The following TSBP1 variants were observed in gnomAD, a reference collection of about 807,000 sequenced individuals.
TSBP1 encodes testis expressed basic protein 1, also known as testis-expressed basic protein 1.
TSBP1 carries 56 observed loss-of-function variants against 68.8 expected under a neutral mutation model. The observed-to-expected ratio is 0.81, with a 90% confidence interval of 0.66 to 1.02. The LOEUF (loss-of-function observed/expected upper bound fraction) is 1.02, where lower values mean the gene tolerates loss of function less well. Among genes scored for constraint, TSBP1 ranks in the 50% least tolerant of loss-of-function variants. TSBP1 has a pLI of 0.00. For synonymous variants in TSBP1, 171 were observed against 208.7 expected (o/e 0.82, Z 1.56); for missense variants, 502 against 641.2 (o/e 0.78, Z 2.34).
chr6:32,330,927 G>C (rs1768941594), intron 15 of TSBP1, among the ~76,000 whole-genome samples: 1 of 152,162 alleles, frequency 6.6e-6, no homozygotes, highest in African/African-American at 2.4e-5. Flanking sequence ...GCCTCCCAAA[G>C]TGCTGGGATT....
Position 32,316,370 on chromosome 6 carries a change from T to C in TSBP1, c.560-578A>G, listed in dbSNP as rs779105783. The C allele has an allele frequency of 9.1e-4, 1,422 of 1,569,012 alleles. 3 individuals carry two copies. The highest frequency in any genetic ancestry group is 1.2e-3 in the Non-Finnish European group (1,362 of 1,153,764). On this transcript the variant is annotated intron_variant, in intron 18 of 22. Coordinates refer to ENST00000612031, the Ensembl canonical transcript of TSBP1. This position sits in a 1 kb window ranked among gnomAD's most constrained non-coding sequence, Gnocchi z 4.5. ...TGAAGGGGACCAAAGAGAACCAAAG[T>C]AGAAAAAGACATGTAATACTTACTT...
chr6:32,319,904 A>G (rs1219540460), intron 18 of TSBP1, among the ~76,000 whole-genome samples: 4 of 151,284 alleles, frequency 2.6e-5, no homozygotes, highest in South Asian at 2.1e-4. Context: ...TATTTTTAAA[A>G]TGCATTAATA....
At chr6:32,330,129 T>G (rs3129947) in intron 16 of TSBP1, among the ~76,000 whole-genome samples, 116,544 of 151,772 alleles carry the variant, frequency 0.77, 45,030 homozygotes, top group South Asian at 0.9. Context: ...GAGAAAACTG[T>G]AGAACTCAGG....
intron 9 of TSBP1, among the ~76,000 whole-genome samples, chr6:32,342,152 T>A (rs1770444141): frequency 6.6e-6 from 1 of 151,238 alleles, no homozygotes; most frequent in South Asian, 2.1e-4. Context: ...TTTTCCAGCT[T>A]CCCTCACTTC....
In TSBP1 at chr6:32,335,502, TA is replaced by T; in HGVS notation, c.452-46del. 1 of 1,181,194 alleles carries T rather than the reference TA, an allele frequency of 8.5e-7. No individual in the cohort carries two copies. The highest frequency in any genetic ancestry group is 1.1e-6 in the Non-Finnish European group (1 of 910,600). 73.2% of individuals were successfully genotyped at this position (1,181,194 alleles called of 1,614,324 possible). A position where few individuals can be genotyped will look rare whatever the true frequency, so the allele number is the denominator to read the frequency against. ...GAAATCAGTAGCTATATATATATTT[TA>T]TATATACTTTTTATTTATATACTTT... On this transcript the variant is annotated intron_variant, in intron 13 of 22. Coordinates refer to ENST00000612031, the Ensembl canonical transcript of TSBP1. This position sits in a 1 kb window ranked among gnomAD's most constrained non-coding sequence, Gnocchi z 5.5.
Position 32,321,981 on chromosome 6 carries a change from A to C in TSBP1, c.559+1136T>G, listed in dbSNP as rs529737836. 2.6e-5 allele frequency among the ~76,000 whole-genome samples: 4 copies of C among 152,326 alleles called. No individual in the cohort carries two copies. The East Asian group carries it at 5.8e-4, about 22-fold the overall frequency. On this transcript the variant is annotated intron_variant, in intron 18 of 22. Coordinates refer to ENST00000612031, the Ensembl canonical transcript of TSBP1. The surrounding 1 kb of genome is among the most constrained non-coding windows in gnomAD (Gnocchi z 4.3). ...ACTATATGTGTCCTCCCAGTTTTAC[A>C]CAGTTCCCAGGAGATTCACCTCATC... is the stretch of plus-strand genomic sequence containing the variant.
chr6:32,355,221 G>T, intron 7 of TSBP1, 77 bp from the exon 8 acceptor site: 2 of 1,430,716 alleles, frequency 1.4e-6, no homozygotes, highest in Non-Finnish European at 2.0e-6. Context: ...AGCTTCAGTT[G>T]CTGTCACCCC....
chr6:32,293,571 C>T (rs1764384804), exon 23 of TSBP1: 1 of 1,612,914 alleles, frequency 6.2e-7, no homozygotes. Context: ...CTCTTCTCTA[C>T]CTGGGCTTCC....
chr6:32,325,888 T>C lies in TSBP1; in HGVS notation c.515-2274A>G, dbSNP rs1768166732. 2 of 1,505,608 alleles carry C rather than the reference T, an allele frequency of 1.3e-6. No individual in the cohort carries two copies. The highest frequency in any genetic ancestry group is 1.4e-5 in the African/African-American group (1 of 73,270). 93.3% of individuals were successfully genotyped at this position (1,505,608 alleles called of 1,614,324 possible). ...TGATCATGGAGGAAACTTCAGTGGTTGTGGTGGCTTTGGTGGCAGCTGTGG... is the reference window on the plus strand; with the variant it reads ...TGATCATGGAGGAAACTTCAGTGGTCGTGGTGGCTTTGGTGGCAGCTGTGG... On this transcript the variant is annotated intron_variant, in intron 16 of 22. Transcript: ENST00000612031. This position sits in a 1 kb window ranked among gnomAD's most constrained non-coding sequence, Gnocchi z 4.4.
At chr6:32,295,305 C>T (rs562140104) in intron 22 of TSBP1, among the ~76,000 whole-genome samples, 5 of 135,374 alleles carry the variant, frequency 3.7e-5, no homozygotes, top group African/African-American at 1.3e-4. Flanking sequence ...CACTGCACTC[C>T]AGTCTAGGTG....
At chr6:32,322,414 G>T (rs1767734591) in intron 18 of TSBP1, 72 bp downstream of exon 20, 1 of 1,057,206 alleles carries the variant, frequency 9.5e-7, no homozygotes, top group Non-Finnish European at 1.4e-6. Context: ...GAAATATGAG[G>T]CACTTAGAAA....
chr6:32,309,053 A>G (rs1164662134), intron 19 of TSBP1, among the ~76,000 whole-genome samples: 1 of 149,256 alleles, frequency 6.7e-6, no homozygotes, highest in East Asian at 2.0e-4. Flanking sequence ...AGGCTCGAGC[A>G]ATCCTCCCAC....
intron 6 of TSBP1, among the ~76,000 whole-genome samples, chr6:32,363,821 C>G (rs1377162403): frequency 6.6e-6 from 1 of 151,836 alleles, no homozygotes; most frequent in East Asian, 1.9e-4. Flanking sequence ...GTATATTTAC[C>G]TTACCAGTGA....
intron 3 of TSBP1, 32 bp downstream of exon 3, chr6:32,368,750 T>C: frequency 6.5e-7 from 1 of 1,546,682 alleles, no homozygotes; most frequent in Non-Finnish European, 8.8e-7. Flanking sequence ...ATAAGTACTA[T>C]ATTTATTTTT....
rs1554197097 is a variant in TSBP1 at position 32,330,674 on chromosome 6, A to ACT, written c.494-67_494-66dup. The ACT allele has an allele frequency of 4.1e-3, 5,905 of 1,429,142 alleles. 38 individuals are homozygous for ACT. Among genetic ancestry groups the ACT allele is most frequent in the South Asian group, 0.012 (893 of 74,280 alleles). The allele number at this position is 1,429,142 out of a possible 1,614,324, so 88.5% of individuals were successfully genotyped here. On this transcript the variant is annotated intron_variant, in intron 15 of 22. Coordinates refer to ENST00000612031, the Ensembl canonical transcript of TSBP1. ...CACACACACACACACACACACACAC[A>ACT]CTTCTATTTTTTGAGACAGAGTCTC... is the stretch of plus-strand genomic sequence containing the variant.
intron 18 of TSBP1, among the ~76,000 whole-genome samples, chr6:32,318,056 G>A (rs1767165250): frequency 6.6e-6 from 1 of 152,096 alleles, no homozygotes; most frequent in Non-Finnish European, 1.5e-5. Context: ...CAACCTAAAT[G>A]CCCGTCAACG....
rs770754229 is a variant in TSBP1 at position 32,322,481 on chromosome 6, C to T, written c.559+636G>A. 1 of 1,603,738 alleles carries T rather than the reference C, an allele frequency of 6.2e-7. No homozygotes were observed. Among genetic ancestry groups the T allele is most frequent in the Non-Finnish European group, 8.5e-7 (1 of 1,171,078 alleles). ...ATATGACCAGCTGAGAAGTAGAGTA[C>T]TTACTTGCGGTTCTCTGTGAAATTA... On this transcript the variant is annotated intron_variant, in intron 18 of 22. Coordinates refer to ENST00000612031, the Ensembl canonical transcript of TSBP1.
chr6:32,295,995 C>A (rs1393804816), intron 22 of TSBP1, among the ~76,000 whole-genome samples: 1 of 152,104 alleles, frequency 6.6e-6, no homozygotes, highest in African/African-American at 2.4e-5. Context: ...CAGGCATGTG[C>A]CACCACACCC....
intron 9 of TSBP1, among the ~76,000 whole-genome samples, chr6:32,341,687 C>T (rs1042949039): frequency 1.1e-4 from 16 of 152,078 alleles, no homozygotes; most frequent in African/African-American, 3.9e-4. Context: ...CAAGTGAATC[C>T]CTTCCTTTTC....
Sources: gnomAD v4.1 joint callset for allele counts (sites outside exome capture counted in the v4.1 genomes callset) on GRCh38, gnomAD v4.1.1 for gene constraint, Gnocchi (gnomAD v3.1) non-coding constraint, MANE v1.5 for transcripts, NCBI Gene and HGNC (gene_info 2026-07-23, HGNC 2026-07-21) for gene names.